Variants in TERT observed in about 807,000 individuals in gnomAD.
The protein encoded by TERT is telomerase reverse transcriptase.
Under a neutral mutation model 104.0 loss-of-function variants are expected in TERT, and 42 were observed. The ratio of observed to expected loss-of-function variants is 0.40; its 90% CI spans 0.32 to 0.52. TERT has a LOEUF of 0.52. Ranked by LOEUF, TERT falls within the 20% of genes least tolerant of loss-of-function variation. TERT has a pLI of 0.43. For synonymous variants in TERT, 781 were observed against 725.6 expected, an observed-to-expected ratio of 1.08 and a Z score of -1.23; for missense variants, 1,101 against 1,610.3, an observed-to-expected ratio of 0.68 and a Z score of 5.41.
chr5:1,283,245 C>T (rs1376165072), intron 2 of TERT, among the ~76,000 whole-genome samples: 2 of 142,174 alleles, frequency 1.4e-5, no homozygotes, highest in Non-Finnish European at 3.1e-5. Context: ...CGGACCTGCA[C>T]CATCCGACAC....
In TERT at chr5:1,293,907, C is replaced by A; in HGVS notation, c.979G>T (p.Glu327Ter). The change falls in exon 2 of 16, where the codon GAG becomes TAG. Residue 327 changes from glutamate (E) to a stop codon, truncating the protein, a stop_gained. Transcript: ENST00000310581. LOFTEE classifies it high-confidence loss of function. ...GAGGAGTAGAGGAAGTGCTTGGTCT[C>A]GGCGTACACCGGGGGACAAGGCGTG... is the stretch of plus-strand genomic sequence containing the variant. ...WDTPCPPVYA[E>*]TKHFLYSSGD... 6.5e-7 allele frequency: 1 copy of A among 1,541,836 alleles called. No individual in the cohort carries two copies.
chr5:1,282,954 C>T (rs1303951815), intron 2 of TERT: 17 of 426,052 alleles, frequency 4.0e-5, no homozygotes, highest in South Asian at 2.5e-4. Flanking sequence ...CCAGACAACA[C>T]ACATACAGCC....
chr5:1,278,159 A>G (rs1334802561), intron 6 of TERT, among the ~76,000 whole-genome samples: 1 of 152,212 alleles, frequency 6.6e-6, no homozygotes, highest in Non-Finnish European at 1.5e-5. Context: ...GTGACAGGAC[A>G]GGGGCACCCA....
At chr5:1,276,809 C>T (rs529522237) in intron 6 of TERT, among the ~76,000 whole-genome samples, 21 of 152,358 alleles carry the variant, frequency 1.4e-4, no homozygotes, top group African/African-American at 5.1e-4. Flanking sequence ...GCAGAGAACA[C>T]AAACAGCTTT....
chr5:1,264,242 T>C lies in TERT; in HGVS notation c.2843+162A>G, dbSNP rs1037829570. The stretch of plus-strand genomic sequence containing the variant: ...ACCCTCACTCCCACAGAAAGATGCA[T>C]TTCTGCTCAGCCCCAGATGGGACGA... On this transcript the variant is annotated intron_variant, in intron 11 of 15. Coordinates refer to ENST00000310581, the MANE Select transcript of TERT (RefSeq NM_198253.3). 5 of 709,676 alleles carry C rather than the reference T, an allele frequency of 7.0e-6. No homozygotes were observed. In the Admixed American group the frequency reaches 1.2e-4, roughly 17 times the overall value. 44.0% of individuals were successfully genotyped at this position (709,676 alleles called of 1,614,324 possible). A position where few individuals can be genotyped will look rare whatever the true frequency, so the allele number is the denominator to read the frequency against.
intron 6 of TERT, among the ~76,000 whole-genome samples, chr5:1,277,672 G>A (rs1034836694): frequency 3.3e-5 from 5 of 150,696 alleles, no homozygotes; most frequent in Non-Finnish European, 5.9e-5. Context: ...GGGGACGGGG[G>A]GGTCTCCTGG....
Position 1,258,604 on chromosome 5 carries a change from G to A in TERT, c.3026C>T (p.Ala1009Val), listed in dbSNP as rs866575708. 1.3e-6 allele frequency: 2 copies of A among 1,568,184 alleles called. No individual in the cohort carries two copies. The highest frequency in any genetic ancestry group is 1.7e-6 in the Non-Finnish European group (2 of 1,155,806). ...TNIYKILLLQAYRFHACVLQL... is the reference protein window; with the variant it reads ...TNIYKILLLQVYRFHACVLQL... ...CCCCTTGGTGGCGGCTCACCTGTAC[G>A]CCTGCAGCAGGAGGATCTTGTAGAT... Residue 1009 changes from alanine (A) to valine (V), a missense_variant, in exon 13 of 16, where the codon GCG (alanine) becomes GTG (valine). Coordinates refer to ENST00000310581, the MANE Select transcript of TERT (RefSeq NM_198253.3).
intron 6 of TERT, among the ~76,000 whole-genome samples, chr5:1,275,696 CTG>C (rs887120681): frequency 1.7e-4 from 26 of 152,140 alleles, no homozygotes; most frequent in Non-Finnish European, 3.5e-4. Flanking sequence ...GCCTTGAACT[CTG>C]TGTTACCCCA....
rs1339323532 is a variant in TERT at position 1,286,085 on chromosome 5, A to C, written c.1574-3461T>G. On this transcript the variant is annotated intron_variant, in intron 2 of 15. Coordinates refer to ENST00000310581, the MANE Select transcript of TERT (RefSeq NM_198253.3). The surrounding 1 kb of genome is among the most constrained non-coding windows in gnomAD (Gnocchi z 5.3). Reference sequence around the variant, plus strand: ...GACCCCGACATGCCTGGGGTTTTCCAGGCTGAACCCAGGCCGAGCGGACGT... The same window carrying C: ...GACCCCGACATGCCTGGGGTTTTCCCGGCTGAACCCAGGCCGAGCGGACGT... 6.6e-6 allele frequency among the ~76,000 whole-genome samples: 1 copy of C among 152,080 alleles called. No individual in the cohort carries two copies. Among genetic ancestry groups the C allele is most frequent in the African/African-American group, 2.4e-5 (1 of 41,398 alleles).
Position 1,293,656 on chromosome 5 carries a change from C to A in TERT, c.1230G>T (p.Lys410Asn). 1 of 1,563,250 alleles carries A rather than the reference C, an allele frequency of 6.4e-7. No individual in the cohort carries two copies. Among genetic ancestry groups the A allele is most frequent in the Non-Finnish European group, 8.7e-7 (1 of 1,154,234 alleles). ...HAQCPYGVLL[K>N]THCPLRAAVT... ...CCGCAGCTCGCAGCGGGCAGTGCGT[C>A]TTGAGGAGCACCCCGTAGGGGCACT... The change falls in exon 2 of 16, where the codon AAG (lysine) becomes AAT (asparagine). Residue 410 changes from lysine to asparagine, a missense_variant. Coordinates refer to ENST00000310581, the MANE Select transcript of TERT (RefSeq NM_198253.3).
rs933454220 is a variant in TERT at position 1,292,134 on chromosome 5, G to GA, written c.1573+1178dup. On this transcript the variant is annotated intron_variant, in intron 2 of 15. Coordinates refer to ENST00000310581, the MANE Select transcript of TERT (RefSeq NM_198253.3). This position sits in a 1 kb window ranked among gnomAD's most constrained non-coding sequence, Gnocchi z 5.5. The stretch of plus-strand genomic sequence containing the variant: ...TTTTGCCACCATAAAAAGAAAAAAA[G>GA]AAAAAAAAGAGCCCCAAGAAGGTCA... Among the ~76,000 whole-genome samples the GA allele has an allele frequency of 6.6e-6, 1 of 151,776 alleles. No homozygotes were observed. Among genetic ancestry groups the GA allele is most frequent in the African/African-American group, 2.4e-5 (1 of 41,332 alleles).
Position 1,264,398 on chromosome 5 carries a change from G to T in TERT, c.2843+6C>A, listed in dbSNP as rs372086160. 1 of 1,610,134 alleles carries T rather than the reference G, an allele frequency of 6.2e-7. No individual in the cohort carries two copies. The highest frequency in any genetic ancestry group is 1.7e-4 in the Middle Eastern group (1 of 6,052). ...ACAGGCTCCACTTCCGGCCAGGTGC[G>T]CTCACCTGGAGTAGTCGCTCTGCAC... On this transcript the variant is annotated splice_donor_region_variant and intron_variant, in intron 11 of 15. Coordinates refer to ENST00000310581, the MANE Select transcript of TERT (RefSeq NM_198253.3).
chr5:1,255,565 T>A lies in TERT; in HGVS notation c.3033-154A>T, dbSNP rs1222274933. On this transcript the variant is annotated intron_variant, in intron 13 of 15. Transcript: ENST00000310581. This position sits in a 1 kb window ranked among gnomAD's most constrained non-coding sequence, Gnocchi z 6.9. ...AGGTGCACACACACGGATGCATGCA[T>A]GCATGTCTGTGTGTGTGCTTGTGTG... Among the ~76,000 whole-genome samples, 1 of 152,234 alleles carries A rather than the reference T, an allele frequency of 6.6e-6. No individual in the cohort carries two copies. Among genetic ancestry groups the A allele is most frequent in the Non-Finnish European group, 1.5e-5 (1 of 68,034 alleles).
At chr5:1,264,642 G>C (rs773931981) in intron 10 of TERT, 50 bp from the exon 11 acceptor site, 3 of 1,598,618 alleles carry the variant, frequency 1.9e-6, no homozygotes, top group Non-Finnish European at 2.6e-6. Context: ...CGTCACCCAG[G>C]AGGTAACCTG....
rs1747458475 is a variant in TERT, at chr5:1,253,292, G to T, written c.*436C>A. On this transcript the variant is annotated 3_prime_UTR_variant, in exon 16 of 16. Transcript: ENST00000310581. Reference sequence around the variant, plus strand: ...CGCCTGTGTACAGGGCACACCTTTGGTCACTCCAAATTCCCAGAGCTCCCA... The same window carrying T: ...CGCCTGTGTACAGGGCACACCTTTGTTCACTCCAAATTCCCAGAGCTCCCA... The T allele has an allele frequency of 2.7e-6, 1 of 372,522 alleles. No individual in the cohort carries two copies. The highest frequency in any genetic ancestry group is 2.0e-5 in the African/African-American group (1 of 49,968). The allele number at this position is 372,522 out of a possible 1,614,324, so 23.1% of individuals were successfully genotyped here.
chr5:1,282,962 G>C, intron 2 of TERT: 1 of 349,308 alleles, frequency 2.9e-6, no homozygotes, highest in East Asian at 7.1e-5. Context: ...CACACATACA[G>C]CCCACCGCAG....
chr5:1,272,040 C>T (rs1749074842), intron 7 of TERT, 145 bp downstream of exon 7: 2 of 770,240 alleles, frequency 2.6e-6, no homozygotes, highest in Non-Finnish European at 4.5e-6. Context: ...CGCCAAGGCA[C>T]ACAGCTCATC....
Position 1,294,330 on chromosome 5 carries a change from G to A in TERT, c.556C>T (p.Pro186Ser), listed in dbSNP as rs2126689257. 6.3e-7 allele frequency: 1 copy of A among 1,582,452 alleles called. No individual in the cohort carries two copies. Among genetic ancestry groups the A allele is most frequent in the Non-Finnish European group, 8.5e-7 (1 of 1,171,376 alleles). Residue 186 changes from proline (P) to serine (S), a missense_variant, in exon 2 of 16, where the codon CCC becomes TCC. Physicochemically the swap from Pro to Ser is moderately conservative, Grantham distance 74. Coordinates refer to ENST00000310581, the MANE Select transcript of TERT (RefSeq NM_198253.3). ...YQLGAATQAR[P>S]PPHASGPRRR... Reference sequence around the variant, plus strand: ...CGGGGTCCACTAGCGTGTGGCGGGGGCCGGGCCTGAGTGGCAGCGCCGAGC... The same window carrying A: ...CGGGGTCCACTAGCGTGTGGCGGGGACCGGGCCTGAGTGGCAGCGCCGAGC...
Position 1,261,990 on chromosome 5 carries a change from G to C in TERT, c.2844-1390C>G, listed in dbSNP as rs1748263935. 6.6e-6 allele frequency among the ~76,000 whole-genome samples: 1 copy of C among 152,216 alleles called. No individual in the cohort carries two copies. Among genetic ancestry groups the C allele is most frequent in the African/African-American group, 2.4e-5 (1 of 41,442 alleles). ...ATAAATCACGTGCACAAACGCTCCA[G>C]GGAATGGCCATTTTCACTGTGGCTC... On this transcript the variant is annotated intron_variant, in intron 11 of 15. Coordinates refer to ENST00000310581, the MANE Select transcript of TERT (RefSeq NM_198253.3). This position sits in a 1 kb window ranked among gnomAD's most constrained non-coding sequence, Gnocchi z 7.4.
Sources: gnomAD v4.1 joint callset for allele counts (sites outside exome capture counted in the v4.1 genomes callset) on GRCh38, gnomAD v4.1.1 for gene constraint, Gnocchi (gnomAD v3.1) non-coding constraint, MANE v1.5 for transcripts, NCBI Gene and HGNC (gene_info 2026-07-23, HGNC 2026-07-21) for gene names.